The following FTCDNL1 variants were observed in gnomAD, a reference collection of about 807,000 sequenced individuals.
The protein encoded by FTCDNL1 is formiminotransferase cyclodeaminase N-terminal like.
Under a neutral mutation model 5.9 loss-of-function variants are expected in FTCDNL1, and 11 were observed. That is an observed-to-expected ratio of 1.87 (90% CI 1.18 to 3.10). The LOEUF (loss-of-function observed/expected upper bound fraction) is 3.10. Ranked by LOEUF, FTCDNL1 falls within the 30% of genes most tolerant of loss-of-function variation. FTCDNL1 has a pLI of 0.00. For synonymous variants in FTCDNL1, 58 were observed against 24.8 expected (o/e 2.34, Z -3.99); for missense variants, 115 against 65.5 (o/e 1.76, Z -2.61).
chr2:199,691,319 T>C, the FTCDNL1 span, among the ~76,000 whole-genome samples: 1 of 152,158 alleles, frequency 6.6e-6, no homozygotes, highest in Non-Finnish European at 1.5e-5. Flanking sequence ...ATTACAGGCA[T>C]GCGCCACCAC....
the FTCDNL1 span, among the ~76,000 whole-genome samples, chr2:199,735,460 C>A: frequency 1.3e-5 from 2 of 148,200 alleles, no homozygotes; most frequent in Non-Finnish European, 3.0e-5. Context: ...GTGAATATTA[C>A]CCTGCTTTTT....
chr2:199,669,746 G>T, the FTCDNL1 span, among the ~76,000 whole-genome samples: 1 of 152,078 alleles, frequency 6.6e-6, no homozygotes, highest in Non-Finnish European at 1.5e-5. Context: ...TATAACAAAA[G>T]AACAGAATTA....
At chr2:199,698,023 C>A in the FTCDNL1 span, among the ~76,000 whole-genome samples, 1 of 152,088 alleles carries the variant, frequency 6.6e-6, no homozygotes, top group Non-Finnish European at 1.5e-5. Flanking sequence ...CAACAATGAT[C>A]AGAAAGGACA....
the FTCDNL1 span, among the ~76,000 whole-genome samples, chr2:199,679,841 A>G: frequency 6.6e-6 from 1 of 152,170 alleles, no homozygotes; most frequent in Non-Finnish European, 1.5e-5. Context: ...CTAGATCATT[A>G]CTACTAAATT....
At chr2:199,714,017 G>A in the FTCDNL1 span, among the ~76,000 whole-genome samples, 1 of 152,180 alleles carries the variant, frequency 6.6e-6, no homozygotes, top group African/African-American at 2.4e-5. Flanking sequence ...AAATCAGATT[G>A]GCTTTGGACA....
intron 3 of FTCDNL1, among the ~76,000 whole-genome samples, chr2:199,835,299 G>A (rs1230359118): frequency 6.6e-6 from 1 of 152,128 alleles, no homozygotes; most frequent in African/African-American, 2.4e-5. Context: ...GAAAAGAAAA[G>A]CACAACAATT....
At chr2:199,746,143 G>C in the FTCDNL1 span, among the ~76,000 whole-genome samples, 1 of 152,124 alleles carries the variant, frequency 6.6e-6, no homozygotes, top group Admixed American at 6.5e-5. Context: ...AGTGTCCCAA[G>C]GTTTTATGTT....
At chr2:199,720,008 A>T in the FTCDNL1 span, among the ~76,000 whole-genome samples, 2 of 151,682 alleles carry the variant, frequency 1.3e-5, no homozygotes, top group Non-Finnish European at 2.9e-5. Context: ...TATGTATTTC[A>T]TTTTCTGGTA....
the FTCDNL1 span, among the ~76,000 whole-genome samples, chr2:199,746,054 C>A: frequency 4.8e-3 from 724 of 152,250 alleles, 30 homozygotes; most frequent in South Asian, 0.1. Context: ...GTCAACCAAC[C>A]CAAAAATGAC....
intron 4 of FTCDNL1, chr2:199,818,910 G>A (rs1701513095): frequency 6.6e-6 from 1 of 152,206 alleles, no homozygotes; most frequent in Non-Finnish European, 1.5e-5. Context: ...GATGGTGGAA[G>A]TACAGACAAC....
At chr2:199,706,456 G>A in the FTCDNL1 span, among the ~76,000 whole-genome samples, 1 of 152,158 alleles carries the variant, frequency 6.6e-6, no homozygotes, top group Non-Finnish European at 1.5e-5. Context: ...CTGGTTCAAG[G>A]TAGGCCAATA....
At chr2:199,769,521 T>TC (rs1333175966) in intron 3 of FTCDNL1, among the ~76,000 whole-genome samples, 1 of 152,220 alleles carries the variant, frequency 6.6e-6, no homozygotes, top group East Asian at 1.9e-4. Context: ...TAAATCTCTT[T>TC]CCTTGATAAA....
the FTCDNL1 span, among the ~76,000 whole-genome samples, chr2:199,697,620 C>T: frequency 6.6e-6 from 1 of 152,126 alleles, no homozygotes; most frequent in Non-Finnish European, 1.5e-5. Flanking sequence ...TAAAAGAGAT[C>T]CTTAAGGGAG....
chr2:199,782,096 G>A (rs114955588), intron 3 of FTCDNL1, among the ~76,000 whole-genome samples: 4 of 152,226 alleles, frequency 2.6e-5, no homozygotes, highest in East Asian at 1.9e-4. Flanking sequence ...GTGAGGTGTC[G>A]TTAATTTGCT....
At chr2:199,807,040 T>C (rs1700763318), downstream of FTCDNL1, among the ~76,000 whole-genome samples, 1 of 152,220 alleles carries the variant, frequency 6.6e-6, no homozygotes, top group Non-Finnish European at 1.5e-5. Context: ...TGGCACAAAC[T>C]GTAGGGCTGC....
chr2:199,681,777 C>T, the FTCDNL1 span, among the ~76,000 whole-genome samples: 21 of 152,174 alleles, frequency 1.4e-4, no homozygotes, highest in African/African-American at 4.6e-4. Flanking sequence ...CTTTAAATAA[C>T]ATACAAATTG....
chr2:199,791,515 C>A (rs1163687224), intron 3 of FTCDNL1, among the ~76,000 whole-genome samples: 3 of 152,130 alleles, frequency 2.0e-5, no homozygotes, highest in African/African-American at 7.2e-5. Flanking sequence ...AAGCACTACA[C>A]TTTAGTCACT....
the FTCDNL1 span, among the ~76,000 whole-genome samples, chr2:199,716,137 T>A: frequency 6.6e-6 from 1 of 151,830 alleles, no homozygotes; most frequent in Non-Finnish European, 1.5e-5. Flanking sequence ...TTGGCAGTTC[T>A]CTTTAAGATT....
At chr2:199,697,911 G>T in the FTCDNL1 span, among the ~76,000 whole-genome samples, 4 of 152,112 alleles carry the variant, frequency 2.6e-5, no homozygotes, top group Non-Finnish European at 5.9e-5. Context: ...ACACCCAAAG[G>T]CTCACAGTAA....
Sources: allele counts gnomAD v4.1 joint callset (sites outside exome capture counted in the v4.1 genomes callset), GRCh38; gene constraint gnomAD v4.1.1; transcripts MANE v1.5; gene names NCBI Gene and HGNC (gene_info 2026-07-23, HGNC 2026-07-21).